SRPK2: variants seen among roughly 807,000 people sequenced by gnomAD.
The protein encoded by SRPK2 is SFRS protein kinase 2.
Under a neutral mutation model 90.8 loss-of-function variants are expected in SRPK2, and 21 were observed. The observed-to-expected ratio is 0.23, with a 90% CI of 0.16 to 0.33. The LOEUF is 0.33. Among genes scored for constraint, SRPK2 ranks in the 10% least tolerant of loss-of-function variants. The probability of loss-of-function intolerance (pLI) is 1.00; values close to 1 mark genes in which losing one functional copy is unlikely to be tolerated. For missense variants in SRPK2, 620 were observed against 869.0 expected, an observed-to-expected ratio of 0.71 and a Z score of 3.60; for synonymous variants, 288 against 311.1, an observed-to-expected ratio of 0.93 and a Z score of 0.78.
rs147534485 is a variant in SRPK2 at position 105,200,043 on chromosome 7, G to A, written c.229+3585C>T. 3.1e-3 allele frequency among the ~76,000 whole-genome samples: 467 copies of A among 152,212 alleles called. 13 individuals carry two copies. In the East Asian group the frequency reaches 0.062, roughly 20 times the overall value. ...AGGACCGGGCATGGTGGTTCACACC[G>A]GTAATCCCAATACTTTGGGAGGCTG... On this transcript the variant is annotated intron_variant, in intron 3 of 15. Transcript: ENST00000393651.
At chr7:105,202,760 A>T (rs1164492894) in intron 3 of SRPK2, among the ~76,000 whole-genome samples, 2 of 152,248 alleles carry the variant, frequency 1.3e-5, no homozygotes. Flanking sequence ...TTCGTTAAGT[A>T]CAATGCCAGG....
intron 2 of SRPK2, among the ~76,000 whole-genome samples, chr7:105,333,959 G>A (rs1176781440): frequency 6.6e-6 from 1 of 152,136 alleles, no homozygotes; most frequent in Non-Finnish European, 1.5e-5. Context: ...TTTCGCTCTT[G>A]TTGCCCAGGC....
intron 3 of SRPK2, among the ~76,000 whole-genome samples, chr7:105,170,061 A>ACATCT (rs1336298050): frequency 4.6e-5 from 7 of 152,074 alleles, no homozygotes; most frequent in Non-Finnish European, 7.4e-5. Context: ...AACAATCCGC[A>ACATCT]CATCTCCCCT....
Position 105,117,947 on chromosome 7 carries a change from T to C in SRPK2, c.1991A>G (p.His664Arg), listed in dbSNP as rs761359081. Residue 664 changes from histidine to arginine, a missense_variant, in exon 16 of 16, where the codon CAT becomes CGT. Physicochemically the swap from His to Arg is conservative, Grantham distance 29. Transcript: ENST00000393651. ...ATCTGTAAACTGTGCAGCATCTTCA[T>C]GGGGCCAGCCATACTTTTCCACAAG... ...DVLVEKYGWPHEDAAQFTDFL... is the reference protein window; with the variant it reads ...DVLVEKYGWPREDAAQFTDFL... 4.2e-5 allele frequency: 67 copies of C among 1,614,050 alleles called. No individual in the cohort carries two copies. The highest frequency in any genetic ancestry group is 4.9e-5 in the Non-Finnish European group (58 of 1,180,032).
intron 2 of SRPK2, among the ~76,000 whole-genome samples, chr7:105,388,226 G>C (rs962153495): frequency 7.2e-5 from 11 of 151,900 alleles, no homozygotes; most frequent in African/African-American, 2.7e-4. Flanking sequence ...CGCGGCTCAG[G>C]TGGGAGCAAC....
At chr7:105,133,201 G>A in intron 11 of SRPK2, 97 bp from the exon 12 acceptor site, 1 of 1,085,910 alleles carries the variant, frequency 9.2e-7, no homozygotes, top group Non-Finnish European at 1.4e-6. Flanking sequence ...TTCCTCAAGA[G>A]TAGTGGAATG....
chr7:105,198,288 A>C (rs944609320), intron 3 of SRPK2, among the ~76,000 whole-genome samples: 1 of 151,822 alleles, frequency 6.6e-6, no homozygotes, highest in African/African-American at 2.4e-5. Context: ...GCCTCTGAAA[A>C]CCCCACATGA....
At chr7:105,127,310 A>G (rs913214176) in intron 13 of SRPK2, among the ~76,000 whole-genome samples, 1 of 152,168 alleles carries the variant, frequency 6.6e-6, no homozygotes, top group African/African-American at 2.4e-5. Flanking sequence ...CAAAACCAAA[A>G]CGTCAGTGAG....
intron 2 of SRPK2, chr7:105,269,113 G>C (rs1449995718): frequency 3.6e-5 from 40 of 1,122,058 alleles, no homozygotes; most frequent in Non-Finnish European, 4.4e-5. Context: ...TAAAGCAGAG[G>C]GGTGTTTTCT....
intron 2 of SRPK2, among the ~76,000 whole-genome samples, chr7:105,313,571 GA>G (rs1811969783): frequency 6.6e-6 from 1 of 151,752 alleles, no homozygotes; most frequent in African/African-American, 2.4e-5. Context: ...GTAACACAGT[GA>G]AACCCCATCT....
At chr7:105,384,133 A>G (rs1314374919) in intron 2 of SRPK2, among the ~76,000 whole-genome samples, 1 of 152,238 alleles carries the variant, frequency 6.6e-6, no homozygotes, top group Non-Finnish European at 1.5e-5. Context: ...AATAAAAGTT[A>G]TGAAAAAAAT....
chr7:105,250,458 G>C (rs1802332015), intron 2 of SRPK2, among the ~76,000 whole-genome samples: 1 of 152,064 alleles, frequency 6.6e-6, no homozygotes, highest in Admixed American at 6.5e-5. Context: ...AAAGTTGGCT[G>C]TGTTGGATTT....
chr7:105,205,513 T>TCA (rs1246518475), intron 2 of SRPK2, among the ~76,000 whole-genome samples: 57 of 61,192 alleles, frequency 9.3e-4, no homozygotes, highest in Middle Eastern at 9.4e-3. Context: ...TCTCTCTCTC[T>TCA]CTCTCACACA....
At chr7:105,132,736 A>G (rs1179107547) in intron 13 of SRPK2, 55 bp downstream of exon 13, 5 of 1,390,168 alleles carry the variant, frequency 3.6e-6, no homozygotes, top group Non-Finnish European at 4.0e-6. Flanking sequence ...CCCCATCCAG[A>G]GTGTGAAAGG....
At chr7:105,143,370 T>G in intron 9 of SRPK2, 40 bp from the exon 10 acceptor site, 1 of 1,591,286 alleles carries the variant, frequency 6.3e-7, no homozygotes, top group Non-Finnish European at 8.5e-7. Flanking sequence ...TTCTTCTTTT[T>G]AAAGCACCAC....
chr7:105,144,627 A>G (rs1804290416), intron 9 of SRPK2, among the ~76,000 whole-genome samples: 1 of 152,226 alleles, frequency 6.6e-6, no homozygotes, highest in South Asian at 2.1e-4. Context: ...AATTAGAACA[A>G]CAGCTTCAGA....
intron 2 of SRPK2, among the ~76,000 whole-genome samples, chr7:105,301,308 C>T (rs1276599972): frequency 6.6e-6 from 1 of 150,862 alleles, no homozygotes; most frequent in African/African-American, 2.4e-5. Flanking sequence ...AAAAAAGCCG[C>T]GGCTCCGGGT....
chr7:105,232,813 G>C (rs1799617233), intron 2 of SRPK2, among the ~76,000 whole-genome samples: 1 of 152,042 alleles, frequency 6.6e-6, no homozygotes, highest in African/African-American at 2.4e-5. Flanking sequence ...AAGAGATCGA[G>C]ACCATCCTGG....
chr7:105,144,593 C>G (rs537954614), intron 9 of SRPK2, among the ~76,000 whole-genome samples: 6 of 152,084 alleles, frequency 3.9e-5, no homozygotes, highest in Non-Finnish European at 7.4e-5. Flanking sequence ...CAGTCTCTTT[C>G]TTATTTAACA....
Sources: gnomAD v4.1 joint callset for allele counts (sites outside exome capture counted in the v4.1 genomes callset) on GRCh38, gnomAD v4.1.1 for gene constraint, MANE v1.5 for transcripts, NCBI Gene and HGNC (gene_info 2026-07-23, HGNC 2026-07-21) for gene names.